PIEZO1: variants seen among roughly 807,000 people sequenced by gnomAD.
PIEZO1 encodes the protein piezo-type mechanosensitive ion channel component 1.
Under a neutral mutation model 297.2 loss-of-function variants are expected in PIEZO1, and 296 were observed. That is an observed-to-expected ratio of 1.00 (90% CI 0.91 to 1.10). PIEZO1 has a LOEUF of 1.10. Among genes scored for constraint, PIEZO1 ranks in the 50% least tolerant of loss-of-function variants. PIEZO1 has a pLI of 0.00. For synonymous variants in PIEZO1, 2,427 were observed against 1,507.5 expected, an observed-to-expected ratio of 1.61 and a Z score of -14.13; for missense variants, 5,018 against 3,455.5, an observed-to-expected ratio of 1.45 and a Z score of -11.34.
At chr16:88,755,663 G>A (rs910026451) in intron 1 of PIEZO1, among the ~76,000 whole-genome samples, 5 of 152,222 alleles carry the variant, frequency 3.3e-5, no homozygotes, top group African/African-American at 1.2e-4. Context: ...TCTGGGGGTT[G>A]CTTTGCTTAT....
chr16:88,717,635 CAA>C (rs1912145770), intron 44 of PIEZO1: 6 of 456,596 alleles, frequency 1.3e-5, no homozygotes, highest in Non-Finnish European at 2.2e-5. Context: ...GCGAAGGAAA[CAA>C]AGTAAACCAG....
chr16:88,717,170 G>C lies in PIEZO1; in HGVS notation c.6513C>G (p.Val2171=). The C allele has an allele frequency of 6.4e-7, 1 of 1,550,818 alleles. No homozygotes were observed. The highest frequency in any genetic ancestry group is 1.4e-5 in the African/African-American group (1 of 73,190). Residue 2171 remains valine (V), a synonymous_variant, in exon 45 of 51, where the codon GTC becomes GTG. Transcript: ENST00000301015. ...TGATGAGGCCACCCATGCCGTACTT[G>C]ACGATCTTCTTCTTCTTCTGCCCTT... ...QPKGQKKKKI[V]KYGMGGLIIL... is the part of the protein sequence containing the mutation.
At chr16:88,749,239 C>CAAAA in intron 2 of PIEZO1, 145 bp downstream of exon 2, 1 of 455,640 alleles carries the variant, frequency 2.2e-6, no homozygotes, top group South Asian at 3.1e-5. Flanking sequence ...GACTCCGTCT[C>CAAAA]AAAAAAAAAA....
intron 18 of PIEZO1, 34 bp from the exon 19 acceptor site, chr16:88,733,488 G>A (rs1905008973): frequency 6.5e-7 from 1 of 1,536,452 alleles, no homozygotes; most frequent in South Asian, 1.2e-5. Flanking sequence ...CTGGGCTTGG[G>A]GAGGGCAGTG....
chr16:88,727,720 G>C (rs896387307), intron 22 of PIEZO1, 59 bp from the exon 23 acceptor site: 13 of 814,998 alleles, frequency 1.6e-5, no homozygotes, highest in Non-Finnish European at 2.4e-5. Flanking sequence ...TGAGACACCC[G>C]GTCCCCACCC....
In PIEZO1 at chr16:88,736,675, C is replaced by T; in HGVS notation, c.1260G>A (p.Met420Ile). Residue 420 changes from methionine (M) to isoleucine (I), a missense_variant, in exon 11 of 51, where the codon ATG (methionine) becomes ATA (isoleucine). By Grantham distance (10) the Met-to-Ile change is conservative. Transcript: ENST00000301015. ...TGAGCGCGCACACATAGCTCTGGTC[C>T]ATGATGAGGTGGCCCAGGCTGTGGA... ...SPLHSLGHLIMDQSYVCALIA... is the reference protein window; with the variant it reads ...SPLHSLGHLIIDQSYVCALIA... The T allele has an allele frequency of 6.5e-7, 1 of 1,533,222 alleles. No homozygotes were observed. Among genetic ancestry groups the T allele is most frequent in the Non-Finnish European group, 8.7e-7 (1 of 1,145,938 alleles). The allele number at this position is 1,533,222 out of a possible 1,614,324, so 95.0% of individuals were successfully genotyped here.
In PIEZO1 at chr16:88,720,249, A is replaced by AG; in HGVS notation, c.5983dup (p.Leu1995ProfsTer24). The AG allele has an allele frequency of 6.4e-7, 1 of 1,550,496 alleles. No individual in the cohort carries two copies. Among genetic ancestry groups the AG allele is most frequent in the Non-Finnish European group, 8.7e-7 (1 of 1,146,952 alleles). On this transcript the variant is annotated frameshift_variant, in exon 42 of 51. Coordinates refer to ENST00000301015, the MANE Select transcript of PIEZO1 (RefSeq NM_001142864.4). LOFTEE classifies it high-confidence loss of function. ...AGCCTCGGGTACCTGGTCGTCTGAT[A>AG]GGGAGGACGTGATGTCTGTGGCCGC...
At position 88,723,107 on chromosome 16, in the gene PIEZO1, C is replaced by T; in HGVS notation, c.4483G>A (p.Glu1495Lys). Residue 1495 changes from glutamate (E) to lysine (K), a missense_variant, in exon 33 of 51, where the codon GAG becomes AAG. Transcript: ENST00000301015. The part of the protein sequence containing the change: ...QEVEPAEGPE[E>K]AAAGRSHVVQ... ...CGGGCCCACGTACCTGCCGCTGCCT[C>T]CTCGGGGCCCTCTGCTGGCTCCACC... 2.6e-6 allele frequency: 4 copies of T among 1,548,446 alleles called. No individual in the cohort carries two copies. Among genetic ancestry groups the T allele is most frequent in the Non-Finnish European group, 3.5e-6 (4 of 1,146,792 alleles).
At chr16:88,719,431 G>T in intron 44 of PIEZO1, 143 bp downstream of exon 44, 1 of 698,440 alleles carries the variant, frequency 1.4e-6, no homozygotes. Flanking sequence ...TCAGCTAGTG[G>T]GTGGGCTCGC....
At chr16:88,747,402 G>A (rs1264679706) in intron 2 of PIEZO1, among the ~76,000 whole-genome samples, 1 of 152,158 alleles carries the variant, frequency 6.6e-6, no homozygotes, top group East Asian at 1.9e-4. Flanking sequence ...TGTAATCCCA[G>A]CTACTCGGGA....
At chr16:88,761,635 C>T (rs1335859303) in intron 1 of PIEZO1, among the ~76,000 whole-genome samples, 3 of 152,166 alleles carry the variant, frequency 2.0e-5, no homozygotes, top group Admixed American at 1.3e-4. Flanking sequence ...GAACGACCCC[C>T]AGCATGGCAG....
intron 1 of PIEZO1, among the ~76,000 whole-genome samples, chr16:88,774,369 C>T (rs893367984): frequency 1.3e-5 from 2 of 152,252 alleles, no homozygotes; most frequent in East Asian, 3.9e-4. Flanking sequence ...CCAGCTTGGG[C>T]GACAGAGCGA....
At position 88,721,600 on chromosome 16, in the gene PIEZO1, C is replaced by A. The variant is rs186774726; in HGVS notation, c.5341G>T (p.Gly1781Cys). 55 of 1,550,126 alleles carry A rather than the reference C, an allele frequency of 3.5e-5. No individual in the cohort carries two copies. Among genetic ancestry groups the A allele is most frequent in the Middle Eastern group, 1.7e-4 (1 of 6,006 alleles). Residue 1781 changes from glycine (G) to cysteine (C), a missense_variant, in exon 38 of 51, where the codon GGC becomes TGC. Physicochemically the swap from Gly to Cys is radical, Grantham distance 159. Coordinates refer to ENST00000301015, the MANE Select transcript of PIEZO1 (RefSeq NM_001142864.4). ...PRILGLEKTD[G>C]YIKYDLVQLM... ...TGCACCAGGTCGTACTTGATGTAGC[C>A]GTCAGTCTTCTCCAGGCCCAGGATG... is the stretch of plus-strand genomic sequence containing the variant.
intron 1 of PIEZO1, among the ~76,000 whole-genome samples, chr16:88,764,933 A>G (rs2142890509): frequency 6.6e-6 from 1 of 152,230 alleles, no homozygotes; most frequent in East Asian, 1.9e-4. Flanking sequence ...GGGCTTCCTA[A>G]GAAGCCTGGC....
At chr16:88,722,735 C>T (rs906477687) in intron 34 of PIEZO1, 46 bp from the exon 35 acceptor site, 171 of 1,530,294 alleles carry the variant, frequency 1.1e-4, no homozygotes, top group Admixed American at 8.9e-4. Flanking sequence ...AGCTCTTGTC[C>T]CCACACGGGG....
At chr16:88,774,223 G>C (rs1388218185) in intron 1 of PIEZO1, among the ~76,000 whole-genome samples, 1 of 152,126 alleles carries the variant, frequency 6.6e-6, no homozygotes, top group Non-Finnish European at 1.5e-5. Context: ...CCCTGACCAG[G>C]CTGTAATAAT....
chr16:88,767,488 C>A (rs939177586), intron 1 of PIEZO1, among the ~76,000 whole-genome samples: 1 of 152,196 alleles, frequency 6.6e-6, no homozygotes, highest in Non-Finnish European at 1.5e-5. Context: ...AACTCCCCCA[C>A]TGCAGGTGAC....
intron 38 of PIEZO1, 37 bp downstream of exon 38, chr16:88,721,501 G>C (rs1597444858): frequency 6.5e-7 from 1 of 1,540,210 alleles, no homozygotes; most frequent in Non-Finnish European, 8.8e-7. Flanking sequence ...CAGAGGGCCT[G>C]CCCAGCCCCG....
intron 36 of PIEZO1, 61 bp downstream of exon 36, chr16:88,722,157 C>T: frequency 6.6e-7 from 1 of 1,523,414 alleles, no homozygotes; most frequent in Non-Finnish European, 8.8e-7. Context: ...GTCTCCTGCC[C>T]CTGTTCGGCT....
Sources: allele counts gnomAD v4.1 joint callset (sites outside exome capture counted in the v4.1 genomes callset), GRCh38; gene constraint gnomAD v4.1.1; transcripts MANE v1.5; gene names NCBI Gene and HGNC (gene_info 2026-07-23, HGNC 2026-07-21).